Variants in MDFI observed in about 807,000 individuals in gnomAD.
MDFI encodes inhibitor of MyoD family a.
Under a neutral mutation model 22.3 loss-of-function variants are expected in MDFI, and 16 were observed. The ratio of observed to expected loss-of-function variants is 0.72; its 90% confidence interval spans 0.49 to 1.09. The LOEUF (loss-of-function observed/expected upper bound fraction) is 1.09, where lower values mean the gene tolerates loss of function less well. MDFI is among the 50% of genes least tolerant of loss of function. The probability of loss-of-function intolerance (pLI) is 0.00; values close to 1 mark genes in which losing one functional copy is unlikely to be tolerated. For missense variants in MDFI, 314 were observed against 326.1 expected (o/e 0.96, Z 0.29); for synonymous variants, 145 against 142.7 (o/e 1.02, Z -0.12).
upstream of MDFI, chr6:41,637,075 G>A (rs989824768): frequency 6.6e-6 from 1 of 152,248 alleles, no homozygotes; most frequent in Non-Finnish European, 1.5e-5. This position sits in a 1 kb window ranked among gnomAD's most constrained non-coding sequence, Gnocchi z 6.8. Flanking sequence ...CGGCTCCTGG[G>A]GCACTAGGAC....
intron 2 of MDFI, among the ~76,000 whole-genome samples, chr6:41,645,157 T>C (rs1045995555): frequency 4.6e-5 from 7 of 152,058 alleles, no homozygotes; most frequent in African/African-American, 1.7e-4. Flanking sequence ...TGAGGTCTGA[T>C]GAGAGGCCCA....
In MDFI at chr6:41,649,857, C is replaced by T. The variant is rs1214418618; in HGVS notation, c.484+14C>T. The T allele has an allele frequency of 6.2e-7, 1 of 1,609,284 alleles. No individual in the cohort carries two copies. The highest frequency in any genetic ancestry group is 1.3e-5 in the African/African-American group (1 of 74,880). ...AGGCACAGGAAGGTAAGCACCCATC[C>T]CATCTCTCCCTGGGAGAGGCCTCCA... On this transcript the variant is annotated intron_variant, in intron 4 of 4. Transcript: ENST00000230321.
At chr6:41,644,595 C>T (rs1767978281) in intron 2 of MDFI, among the ~76,000 whole-genome samples, 1 of 152,100 alleles carries the variant, frequency 6.6e-6, no homozygotes, top group Non-Finnish European at 1.5e-5. Flanking sequence ...AGCTGGGCCA[C>T]AGGATCTTCT....
At chr6:41,646,057 C>T (rs1267667362) in intron 2 of MDFI, 69 bp from the exon 3 acceptor site, 6 of 1,339,482 alleles carry the variant, frequency 4.5e-6, no homozygotes, top group Middle Eastern at 1.9e-4. Context: ...GGCTGTGGGG[C>T]GGGGCCCACG....
chr6:41,640,901 T>C (rs1029205105), intron 2 of MDFI, among the ~76,000 whole-genome samples: 3 of 152,230 alleles, frequency 2.0e-5, no homozygotes, highest in African/African-American at 7.2e-5. Flanking sequence ...GGCGTCACAT[T>C]CCTGTTCATG....
At chr6:41,648,991 C>G (rs1768158963) in intron 3 of MDFI, among the ~76,000 whole-genome samples, 1 of 152,194 alleles carries the variant, frequency 6.6e-6, no homozygotes, top group South Asian at 2.1e-4. Context: ...CCAGACCCCT[C>G]TGCCAGCTGC....
intron 2 of MDFI, chr6:41,639,877 G>A: frequency 1.0e-6 from 1 of 985,414 alleles, no homozygotes; most frequent in African/African-American, 1.7e-5. Flanking sequence ...AAGCCGGCCT[G>A]CCTGCCTGTT....
At chr6:41,642,166 G>C (rs1469007245) in intron 2 of MDFI, among the ~76,000 whole-genome samples, 1 of 152,146 alleles carries the variant, frequency 6.6e-6, no homozygotes, top group Non-Finnish European at 1.5e-5. Flanking sequence ...TGTGGCACCC[G>C]GTGCAGATTA....
Position 41,653,189 on chromosome 6 carries a change from T to C in MDFI, c.485-130T>C. 1.1e-6 allele frequency: 1 copy of C among 940,300 alleles called. No individual in the cohort carries two copies. The highest frequency in any genetic ancestry group is 1.6e-6 in the Non-Finnish European group (1 of 608,178). The allele number at this position is 940,300 out of a possible 1,614,324, so 58.2% of individuals were successfully genotyped here. On this transcript the variant is annotated intron_variant, in intron 4 of 4. Transcript: ENST00000230321. This position sits in a 1 kb window ranked among gnomAD's most constrained non-coding sequence, Gnocchi z 4.2. ...GAGCTGTGGGGACGGATTCGTGAGC[T>C]TCAGGCACACAGTGAACACTCAGCG...
Position 41,653,507 on chromosome 6 carries a change from G to A in MDFI, c.673G>A (p.Ala225Thr), listed in dbSNP as rs1219183502. 1 of 1,602,528 alleles carries A rather than the reference G, an allele frequency of 6.2e-7. No homozygotes were observed. The highest frequency in any genetic ancestry group is 8.5e-7 in the Non-Finnish European group (1 of 1,179,952). ...PCDLDCGILD[A>T]CCESADCLEI... ...CGACCTGGACTGCGGCATCCTGGAT[G>A]CCTGCTGCGAGTCCGCGGACTGCCT... The change falls in exon 5 of 5, where the codon GCC becomes ACC. Residue 225 changes from alanine to threonine, a missense_variant. Ala to Thr is a moderately conservative substitution (Grantham distance 58). Coordinates refer to ENST00000230321, the MANE Select transcript of MDFI (RefSeq NM_005586.4). This position sits in a 1 kb window ranked among gnomAD's most constrained non-coding sequence, Gnocchi z 4.2.
rs569060104 is a variant in MDFI at position 41,653,294 on chromosome 6, C to G, written c.485-25C>G. The G allele has an allele frequency of 5.0e-6, 8 of 1,602,842 alleles. No individual in the cohort carries two copies. The South Asian group carries it at 8.8e-5, about 18-fold the overall frequency. Reference sequence around the variant, plus strand: ...CTCATCCCTCCCCTCTCTCACCCGTCCCCCTCTCCACCGCCACCCCGCAGA... The same window carrying G: ...CTCATCCCTCCCCTCTCTCACCCGTGCCCCTCTCCACCGCCACCCCGCAGA... On this transcript the variant is annotated intron_variant, in intron 4 of 4. Transcript: ENST00000230321. This position sits in a 1 kb window ranked among gnomAD's most constrained non-coding sequence, Gnocchi z 4.2.
chr6:41,643,583 AGGGAG>A (rs1767938772), intron 2 of MDFI, among the ~76,000 whole-genome samples: 6 of 67,554 alleles, frequency 8.9e-5, no homozygotes, highest in Admixed American at 2.0e-4. Flanking sequence ...GGAAGGAGGG[AGGGAG>A]GGAGGGAGGG....
At chr6:41,647,230 G>C (rs1768084703) in intron 3 of MDFI, among the ~76,000 whole-genome samples, 3 of 152,244 alleles carry the variant, frequency 2.0e-5, no homozygotes, top group African/African-American at 7.2e-5. Flanking sequence ...GGAGGAGGGG[G>C]TCTGGTGGGA....
At chr6:41,638,383 G>T, upstream of MDFI, 1 of 248,254 alleles carries the variant, frequency 4.0e-6, no homozygotes, top group South Asian at 5.2e-5. The surrounding 1 kb of genome is among the most constrained non-coding windows in gnomAD (Gnocchi z 7.6). Context: ...AAGGCGAGGA[G>T]GGGGCGGGGA....
chr6:41,640,197 C>T lies in MDFI; in HGVS notation c.76+1372C>T, dbSNP rs117501313. On this transcript the variant is annotated intron_variant, in intron 2 of 4. Coordinates refer to ENST00000230321, the MANE Select transcript of MDFI (RefSeq NM_005586.4). Reference sequence around the variant, plus strand: ...CTGTGTCTGGGAACCTTCCCTGTCCCGCTGGGCCTCCTTCCTGCCTCCTCC... The same window carrying T: ...CTGTGTCTGGGAACCTTCCCTGTCCTGCTGGGCCTCCTTCCTGCCTCCTCC... Among the ~76,000 whole-genome samples the T allele has an allele frequency of 3.3e-5, 5 of 152,302 alleles. No individual in the cohort carries two copies. In the East Asian group the frequency reaches 7.7e-4, roughly 24 times the overall value.
Position 41,653,895 on chromosome 6 carries a change from C to A in MDFI, c.*320C>A. 2.4e-6 allele frequency: 1 copy of A among 420,350 alleles called. No individual in the cohort carries two copies. The highest frequency in any genetic ancestry group is 4.4e-6 in the Non-Finnish European group (1 of 229,708). 26.0% of individuals were successfully genotyped at this position (420,350 alleles called of 1,614,324 possible). A position where few individuals can be genotyped will look rare whatever the true frequency, so the allele number is the denominator to read the frequency against. ...TGGGGTGGGGACCGCAGGGGGCAGCCAGGGCTGGGGAACACTGTGAAAGTT... is the reference window on the plus strand; with the variant it reads ...TGGGGTGGGGACCGCAGGGGGCAGCAAGGGCTGGGGAACACTGTGAAAGTT... On this transcript the variant is annotated 3_prime_UTR_variant, in exon 5 of 5. Coordinates refer to ENST00000230321, the MANE Select transcript of MDFI (RefSeq NM_005586.4). This position sits in a 1 kb window ranked among gnomAD's most constrained non-coding sequence, Gnocchi z 4.2.
chr6:41,639,440 GCGCCTGGCGC>G (rs1433534424), intron 2 of MDFI: 5 of 985,256 alleles, frequency 5.1e-6, no homozygotes, highest in Admixed American at 1.2e-4. Context: ...GCCCCGTCCC[GCGCCTGGCGC>G]CGTCTGTAAC....
At chr6:41,642,772 G>A (rs1767897738) in intron 2 of MDFI, among the ~76,000 whole-genome samples, 1 of 152,138 alleles carries the variant, frequency 6.6e-6, no homozygotes, top group Admixed American at 6.5e-5. Flanking sequence ...ACGGTCTGAT[G>A]CCTGGTAGGC....
At chr6:41,639,798 A>G in intron 2 of MDFI, 1 of 985,350 alleles carries the variant, frequency 1.0e-6, no homozygotes, top group Non-Finnish European at 1.2e-6. Flanking sequence ...AACCTCTGAC[A>G]CGAACTCCCT....
Sources: gnomAD v4.1 joint callset for allele counts (sites outside exome capture counted in the v4.1 genomes callset) on GRCh38, gnomAD v4.1.1 for gene constraint, Gnocchi (gnomAD v3.1) non-coding constraint, MANE v1.5 for transcripts, NCBI Gene and HGNC (gene_info 2026-07-23, HGNC 2026-07-21) for gene names.